Variants in INTS2 observed in about 807,000 individuals in gnomAD.
INTS2 encodes the protein integrator complex subunit 2.
In INTS2, 57 loss-of-function variants were observed where a neutral mutation model predicts 139.6. That is an observed-to-expected ratio of 0.41 (90% confidence interval 0.33 to 0.51). The LOEUF (loss-of-function observed/expected upper bound fraction) is 0.51. Among genes scored for constraint, INTS2 ranks in the 20% least tolerant of loss-of-function variants. The probability of loss-of-function intolerance (pLI) is 0.28; values close to 1 mark genes in which losing one functional copy is unlikely to be tolerated. For synonymous variants in INTS2, 473 were observed against 493.4 expected, an observed-to-expected ratio of 0.96 and a Z score of 0.55; for missense variants, 1,196 against 1,436.7, an observed-to-expected ratio of 0.83 and a Z score of 2.71.
chr17:61,918,916 C>T (rs540322122), intron 5 of INTS2, among the ~76,000 whole-genome samples: 1 of 149,174 alleles, frequency 6.7e-6, no homozygotes, highest in Non-Finnish European at 1.5e-5. Flanking sequence ...TCTTCTAGTT[C>T]CTTGGGGTTT....
chr17:61,908,309 G>C (rs1051672053), intron 7 of INTS2, among the ~76,000 whole-genome samples: 2 of 152,080 alleles, frequency 1.3e-5, no homozygotes, highest in Admixed American at 6.6e-5. Context: ...CAGCTACTTG[G>C]GAGGCTGAAG....
chr17:61,884,231 C>G (rs576651771), intron 16 of INTS2, among the ~76,000 whole-genome samples: 64 of 152,256 alleles, frequency 4.2e-4, no homozygotes, highest in Non-Finnish European at 1.5e-4. Flanking sequence ...TGGCTCACTC[C>G]TGTAATTCCA....
Position 61,909,472 on chromosome 17 carries a change from A to G in INTS2, c.955-1838T>C, listed in dbSNP as rs2079500223. Among the ~76,000 whole-genome samples the G allele has an allele frequency of 6.6e-6, 1 of 152,160 alleles. No homozygotes were observed. Among genetic ancestry groups the G allele is most frequent in the Admixed American group, 6.6e-5 (1 of 15,258 alleles). ...CAGTTTTGTTACATGAATCTATTGCATAGAAGTCTGGGCTGTTGGTGTAGT... is the reference window on the plus strand; with the variant it reads ...CAGTTTTGTTACATGAATCTATTGCGTAGAAGTCTGGGCTGTTGGTGTAGT... On this transcript the variant is annotated intron_variant, in intron 7 of 24. Coordinates refer to ENST00000251334, the MANE Select transcript of INTS2 (RefSeq NM_001351695.2). This position sits in a 1 kb window ranked among gnomAD's most constrained non-coding sequence, Gnocchi z 4.9.
At chr17:61,915,708 G>A (rs2079575337) in intron 5 of INTS2, among the ~76,000 whole-genome samples, 1 of 146,880 alleles carries the variant, frequency 6.8e-6, no homozygotes, top group African/African-American at 2.5e-5. Context: ...GCGGGTGCCT[G>A]TAGTCCCAGC....
chr17:61,916,026 C>CCTG (rs1478181385), intron 5 of INTS2, among the ~76,000 whole-genome samples: 1 of 151,970 alleles, frequency 6.6e-6, no homozygotes, highest in African/African-American at 2.4e-5. Context: ...CAAAAAAGAG[C>CCTG]CTGAATAGCC....
At chr17:61,902,517 C>G (rs2079416822) in intron 9 of INTS2, among the ~76,000 whole-genome samples, 2 of 151,852 alleles carry the variant, frequency 1.3e-5, no homozygotes, top group Admixed American at 6.6e-5. Context: ...AGTGTATATA[C>G]AGAGTTATGC....
chr17:61,901,059 T>C (rs1420310829), intron 9 of INTS2, among the ~76,000 whole-genome samples: 1 of 152,086 alleles, frequency 6.6e-6, no homozygotes, highest in Non-Finnish European at 1.5e-5. Flanking sequence ...AGGATCACCT[T>C]AGGCCAGGAG....
chr17:61,890,032 T>A (rs2079274238), intron 14 of INTS2, 138 bp from the exon 15 acceptor site: 1 of 604,960 alleles, frequency 1.7e-6, no homozygotes. Context: ...AATGTTGCTG[T>A]GTGTGTATTA....
chr17:61,917,644 G>A (rs375463333), intron 5 of INTS2, among the ~76,000 whole-genome samples: 3 of 152,166 alleles, frequency 2.0e-5, no homozygotes, highest in Non-Finnish European at 2.9e-5. Context: ...GAAGAAAGGG[G>A]ACAAGGGCTG....
At position 61,870,075 on chromosome 17, in the gene INTS2, G is replaced by A; in HGVS notation, c.2779-87C>T. The A allele has an allele frequency of 8.0e-7, 1 of 1,253,788 alleles. No individual in the cohort carries two copies. 77.7% of individuals were successfully genotyped at this position (1,253,788 alleles called of 1,614,324 possible). On this transcript the variant is annotated intron_variant, in intron 20 of 24. Coordinates refer to ENST00000251334, the MANE Select transcript of INTS2 (RefSeq NM_001351695.2). This position sits in a 1 kb window ranked among gnomAD's most constrained non-coding sequence, Gnocchi z 4.4. ...ATTTTATTTTCACATGAACAGATATGATAAAATAACTAATTTCTTAAACAC... is the reference window on the plus strand; with the variant it reads ...ATTTTATTTTCACATGAACAGATATAATAAAATAACTAATTTCTTAAACAC...
At position 61,926,338 on chromosome 17, in the gene INTS2, T is replaced by C. The variant is rs371817780; in HGVS notation, c.293+14A>G. On this transcript the variant is annotated intron_variant, in intron 2 of 24. Transcript: ENST00000251334. Reference sequence around the variant, plus strand: ...GTCAAATCCAAATCCACATATAATATAACATAACATTACCTAAGCTGCTGT... The same window carrying C: ...GTCAAATCCAAATCCACATATAATACAACATAACATTACCTAAGCTGCTGT... 4.2e-5 allele frequency: 66 copies of C among 1,561,748 alleles called. No homozygotes were observed. The African/African-American group carries it at 6.1e-4, about 15-fold the overall frequency.
At chr17:61,898,207 T>C (rs1439774472) in intron 9 of INTS2, among the ~76,000 whole-genome samples, 2 of 152,046 alleles carry the variant, frequency 1.3e-5, no homozygotes, top group African/African-American at 4.8e-5. Context: ...ACCTTATGAG[T>C]AGATCTCAAA....
rs370218152 is a variant in INTS2, at chr17:61,878,334, G to A, written c.2255-246C>T. On this transcript the variant is annotated intron_variant, in intron 17 of 24. Transcript: ENST00000251334. ...TCCCAGCACTTTGGGAGGCCAAGGC[G>A]GGTGGATCACTTGAGGTCAGGAGTT... Among the ~76,000 whole-genome samples, 13 of 150,754 alleles carry A rather than the reference G, an allele frequency of 8.6e-5. No individual in the cohort carries two copies. In the East Asian group the frequency reaches 1.8e-3, roughly 21 times the overall value.
intron 15 of INTS2, among the ~76,000 whole-genome samples, chr17:61,889,279 G>A (rs1603376106): frequency 6.6e-6 from 1 of 151,424 alleles, no homozygotes. Context: ...TAGAGACGGG[G>A]TTTCGCCATG....
chr17:61,877,861 T>C, intron 18 of INTS2, 26 bp downstream of exon 18: 1 of 1,549,006 alleles, frequency 6.5e-7, no homozygotes, highest in South Asian at 1.1e-5. Context: ...AATTATCTAT[T>C]ACATGTAACA....
intron 17 of INTS2, among the ~76,000 whole-genome samples, chr17:61,880,580 C>G (rs543251685): frequency 2.2e-4 from 34 of 151,866 alleles, no homozygotes. Flanking sequence ...GGTGAAACCC[C>G]ATCTCTACAA....
chr17:61,921,995 A>G (rs1053351544), intron 3 of INTS2, among the ~76,000 whole-genome samples, 168 bp from the exon 4 acceptor site: 3 of 152,218 alleles, frequency 2.0e-5, no homozygotes, highest in African/African-American at 7.2e-5. Flanking sequence ...AACCACACAC[A>G]GCAGTCATGT....
Position 61,882,256 on chromosome 17 carries a change from CAT to C in INTS2, c.2090-1087_2090-1086del, listed in dbSNP as rs1160647664. On this transcript the variant is annotated intron_variant, in intron 16 of 24. Transcript: ENST00000251334. The surrounding 1 kb of genome is among the most constrained non-coding windows in gnomAD (Gnocchi z 4.7). ...TAACAACCCTAAAGTCACACAGTCA[CAT>C]ATGTCAGCCAAGAGAAGCAGTACTG... Among the ~76,000 whole-genome samples, 1 of 152,164 alleles carries C rather than the reference CAT, an allele frequency of 6.6e-6. No individual in the cohort carries two copies. Among genetic ancestry groups the C allele is most frequent in the Non-Finnish European group, 1.5e-5 (1 of 68,030 alleles).
intron 15 of INTS2, chr17:61,885,246 T>C (rs2079215322): frequency 2.0e-6 from 1 of 504,158 alleles, no homozygotes; most frequent in South Asian, 2.6e-5. Flanking sequence ...AGAAGAAAAT[T>C]CATAACAGGT....
Sources: gnomAD v4.1 joint callset for allele counts (sites outside exome capture counted in the v4.1 genomes callset) on GRCh38, gnomAD v4.1.1 for gene constraint, Gnocchi (gnomAD v3.1) non-coding constraint, MANE v1.5 for transcripts, NCBI Gene and HGNC (gene_info 2026-07-23, HGNC 2026-07-21) for gene names.